The following CD55 variants were observed in gnomAD, a reference collection of about 807,000 sequenced individuals.
CD55 encodes CD55 molecule (Cromer blood group).
Under a neutral mutation model 45.8 loss-of-function variants are expected in CD55, and 41 were observed. That is an observed-to-expected ratio of 0.90 (90% CI 0.70 to 1.16). The LOEUF is 1.16. CD55 is among the 50% of genes most tolerant of loss of function. The pLI is 0.00. For synonymous variants in CD55, 181 were observed against 181.1 expected (o/e 1.00, Z 0.01); for missense variants, 416 against 469.8 (o/e 0.89, Z 1.06).
In CD55 at chr1:207,341,421, TC is replaced by T. The variant is rs56359041; in HGVS notation, c.1081+2005del. 8.4e-3 allele frequency among the ~76,000 whole-genome samples: 1,283 copies of T among 152,312 alleles called. 6 individuals carry two copies. The highest frequency in any genetic ancestry group is 0.014 in the Admixed American group (212 of 15,296). On this transcript the variant is annotated intron_variant, in intron 9 of 9. Transcript: ENST00000367064. ...GTGGATCTTATGTTTAAGTTTTTAA[TC>T]ATCTCGATTTGATTTTTGTACATGG...
intron 6 of CD55, among the ~76,000 whole-genome samples, chr1:207,333,204 G>C (rs747534281): frequency 6.6e-6 from 1 of 152,150 alleles, no homozygotes; most frequent in Non-Finnish European, 1.5e-5. Flanking sequence ...GCATACCACA[G>C]GTCTCCCCTT....
In CD55 at chr1:207,324,785, T is replaced by G. The variant is rs776788552; in HGVS notation, c.478+35T>G. ...ATTTTTTAAAGTATTTTCAACCATC[T>G]GGTGTTTGGGGGAAATAGTATCCCT... On this transcript the variant is annotated intron_variant, in intron 3 of 9. Transcript: ENST00000367064. 8.0e-5 allele frequency: 111 copies of G among 1,382,682 alleles called. 1 individual carries two copies. In the Middle Eastern group the frequency reaches 3.6e-3, roughly 45 times the overall value. 85.7% of individuals were successfully genotyped at this position (1,382,682 alleles called of 1,614,324 possible).
intron 9 of CD55, among the ~76,000 whole-genome samples, chr1:207,343,982 C>G (rs754935603): frequency 1.3e-5 from 2 of 152,164 alleles, no homozygotes; most frequent in African/African-American, 4.8e-5. Flanking sequence ...TACAGCTACT[C>G]CTGTTTGTTT....
chr1:207,322,679 C>T, intron 2 of CD55, 112 bp downstream of exon 2: 1 of 899,880 alleles, frequency 1.1e-6, no homozygotes, highest in Non-Finnish European at 1.7e-6. Flanking sequence ...TTACTAAACC[C>T]CAGGGTATAC....
At chr1:207,323,654 T>A (rs2782828) in intron 2 of CD55, among the ~76,000 whole-genome samples, 1 of 152,062 alleles carries the variant, frequency 6.6e-6, no homozygotes, top group African/African-American at 2.4e-5. Context: ...TAGAAGCTAC[T>A]GTAAATACAG....
At chr1:207,323,820 C>T (rs989981483) in intron 2 of CD55, among the ~76,000 whole-genome samples, 45 of 152,300 alleles carry the variant, frequency 3.0e-4, no homozygotes, top group African/African-American at 1.0e-3. Context: ...ATCCTCCAAA[C>T]AACCTTATGA....
At chr1:207,325,277 G>C (rs1160208603) in intron 3 of CD55, among the ~76,000 whole-genome samples, 1 of 148,704 alleles carries the variant, frequency 6.7e-6, no homozygotes, top group East Asian at 2.0e-4. Flanking sequence ...AGAGGTTGCA[G>C]TGAGCTGAGA....
rs184488982 is a variant in CD55 at position 207,329,908 on chromosome 1, C to T, written c.665-1200C>T. 7.6e-4 allele frequency among the ~76,000 whole-genome samples: 115 copies of T among 152,222 alleles called. No homozygotes were observed. In the Middle Eastern group the frequency reaches 0.017, roughly 23 times the overall value. ...ATTACAGGTGTGAACCACCATGCCC[C>T]GCTGCCCCTTCTTTACTTAGCTATA... On this transcript the variant is annotated intron_variant, in intron 5 of 9. Coordinates refer to ENST00000367064, the MANE Select transcript of CD55 (RefSeq NM_000574.5).
intron 9 of CD55, among the ~76,000 whole-genome samples, chr1:207,344,391 A>G (rs1430152827): frequency 6.6e-6 from 1 of 152,060 alleles, no homozygotes; most frequent in African/African-American, 2.4e-5. Flanking sequence ...TCCCTTAAGC[A>G]TTTCTTGTAA....
At chr1:207,324,505 TA>T in intron 2 of CD55, 53 bp from the exon 3 acceptor site, 2 of 1,299,546 alleles carry the variant, frequency 1.5e-6, no homozygotes, top group Non-Finnish European at 2.1e-6. Flanking sequence ...ATATAGATTA[TA>T]AAACAAAAAT....
chr1:207,352,628 A>G (rs1387879205), intron 9 of CD55, among the ~76,000 whole-genome samples: 2 of 152,186 alleles, frequency 1.3e-5, no homozygotes, highest in Non-Finnish European at 2.9e-5. Context: ...TTTAAGAGAT[A>G]GAGATTGTGA....
intron 9 of CD55, among the ~76,000 whole-genome samples, chr1:207,341,129 G>A (rs540232655): frequency 6.6e-6 from 1 of 152,084 alleles, no homozygotes; most frequent in East Asian, 1.9e-4. Context: ...TTTGTTTTTC[G>A]CTAGTAAGTT....
intron 4 of CD55, 140 bp downstream of exon 4, chr1:207,325,861 A>T: frequency 2.2e-6 from 1 of 462,760 alleles, no homozygotes; most frequent in Non-Finnish European, 3.9e-6. Flanking sequence ...ACCCTTCATC[A>T]TGAGCTCATC....
chr1:207,342,149 A>AT lies in CD55; in HGVS notation c.1081+2741dup, dbSNP rs200541663. 1.9e-3 allele frequency among the ~76,000 whole-genome samples: 292 copies of AT among 151,384 alleles called. 1 individual carries two copies. Among genetic ancestry groups the AT allele is most frequent in the Non-Finnish European group, 6.6e-4 (45 of 67,734 alleles). ...AGAGTTTTTGGTGAAGTCTTTAAGGATTTTTTTTTACATATAAAATCGTAT... is the reference window on the plus strand; with the variant it reads ...AGAGTTTTTGGTGAAGTCTTTAAGGATTTTTTTTTTACATATAAAATCGTAT... On this transcript the variant is annotated intron_variant, in intron 9 of 9. Transcript: ENST00000367064.
At chr1:207,332,092 G>A (rs1277912102) in intron 6 of CD55, among the ~76,000 whole-genome samples, 1 of 151,922 alleles carries the variant, frequency 6.6e-6, no homozygotes, top group Non-Finnish European at 1.5e-5. Flanking sequence ...TAAAGCCAGG[G>A]AGATGAGTAC....
intron 9 of CD55, among the ~76,000 whole-genome samples, chr1:207,339,625 A>G (rs1488311986): frequency 1.3e-5 from 2 of 152,160 alleles, no homozygotes; most frequent in African/African-American, 2.4e-5. Context: ...GGATTCAGCA[A>G]TTTTCAACTC....
chr1:207,326,614 G>A (rs984230109), intron 4 of CD55, 138 bp from the exon 5 acceptor site: 1 of 656,194 alleles, frequency 1.5e-6, no homozygotes, highest in South Asian at 1.9e-5. Flanking sequence ...TTAAACTACT[G>A]TGTGGACTTT....
At chr1:207,337,112 T>A (rs987497269) in intron 7 of CD55, 2 of 604,684 alleles carry the variant, frequency 3.3e-6, no homozygotes, top group African/African-American at 3.7e-5. Flanking sequence ...ATCTTTCATA[T>A]CAAAAACCCT....
chr1:207,336,026 A>G (rs1224328489), intron 6 of CD55, among the ~76,000 whole-genome samples: 2 of 152,162 alleles, frequency 1.3e-5, no homozygotes, highest in Non-Finnish European at 2.9e-5. Context: ...GGGACTTTGT[A>G]TAAGTGACCC....
Sources: gnomAD v4.1 joint callset for allele counts (sites outside exome capture counted in the v4.1 genomes callset) on GRCh38, gnomAD v4.1.1 for gene constraint, MANE v1.5 for transcripts, NCBI Gene and HGNC (gene_info 2026-07-23, HGNC 2026-07-21) for gene names.